Variants in DLG2 observed in about 807,000 individuals in gnomAD.
DLG2 encodes the protein discs large MAGUK scaffold protein 2, also known as disks large homolog 2.
A neutral mutation model predicts 132.5 loss-of-function variants in DLG2; 45 were observed. The ratio of observed to expected loss-of-function variants is 0.34; its 90% CI spans 0.27 to 0.44. DLG2 has a LOEUF of 0.44. DLG2 is among the 20% of genes least tolerant of loss of function. DLG2 has a pLI of 1.00. For synonymous variants in DLG2, 424 were observed against 419.6 expected (o/e 1.01, Z -0.13); for missense variants, 1,045 against 1,196.9 (o/e 0.87, Z 1.87).
At chr11:84,062,816 TCA>T (rs1167065928) in intron 10 of DLG2, among the ~76,000 whole-genome samples, 2 of 151,884 alleles carry the variant, frequency 1.3e-5, no homozygotes, top group Non-Finnish European at 2.9e-5. Flanking sequence ...GGAAAGTATG[TCA>T]GGCCAAACTA....
chr11:83,701,107 A>T (rs2082855741), intron 18 of DLG2, among the ~76,000 whole-genome samples: 1 of 152,172 alleles, frequency 6.6e-6, no homozygotes, highest in East Asian at 1.9e-4. Flanking sequence ...GCAAGCAGGC[A>T]GGAGTCCGGG....
intron 18 of DLG2, chr11:83,724,949 G>A (rs1280913344): frequency 7.1e-6 from 5 of 702,132 alleles, no homozygotes; most frequent in African/African-American, 5.2e-5. Flanking sequence ...TGAGCTGCTT[G>A]GTGTATAAAC....
chr11:85,450,078 A>G (rs1475322861), intron 3 of DLG2, among the ~76,000 whole-genome samples: 2 of 152,126 alleles, frequency 1.3e-5, no homozygotes, highest in Non-Finnish European at 2.9e-5. Context: ...ATGGTGAGCC[A>G]AGATCGCACC....
At chr11:84,554,889 A>G (rs536001693) in intron 6 of DLG2, among the ~76,000 whole-genome samples, 1 of 152,302 alleles carries the variant, frequency 6.6e-6, no homozygotes, top group Admixed American at 6.5e-5. Context: ...AGGAATGAGA[A>G]TATCTCCCAT....
intron 7 of DLG2, among the ~76,000 whole-genome samples, chr11:84,458,062 G>T (rs531561958): frequency 6.6e-6 from 1 of 150,810 alleles, no homozygotes; most frequent in African/African-American, 2.4e-5. Context: ...AGATATAGAC[G>T]CAGATGTAGA....
intron 11 of DLG2, among the ~76,000 whole-genome samples, chr11:84,038,041 G>A (rs554047103): frequency 3.3e-5 from 5 of 151,936 alleles, no homozygotes; most frequent in East Asian, 1.9e-4. Flanking sequence ...GTGTCATGGC[G>A]GTTTGTGGTA....
chr11:85,465,393 G>A (rs1484769472), intron 3 of DLG2, among the ~76,000 whole-genome samples: 3 of 151,966 alleles, frequency 2.0e-5, no homozygotes, highest in East Asian at 3.9e-4. Context: ...CCATGCTGGT[G>A]TGCTGCACCC....
intron 11 of DLG2, among the ~76,000 whole-genome samples, chr11:84,058,262 T>C (rs919786348): frequency 6.6e-6 from 1 of 152,144 alleles, no homozygotes; most frequent in East Asian, 1.9e-4. Context: ...ATTTAAATAA[T>C]GTTAAGCTAA....
At chr11:84,362,100 T>C (rs1470572447) in intron 7 of DLG2, among the ~76,000 whole-genome samples, 1 of 151,876 alleles carries the variant, frequency 6.6e-6, no homozygotes, top group Non-Finnish European at 1.5e-5. Context: ...AAGGTAGAGA[T>C]TGATGGATTG....
At chr11:85,323,412 T>C (rs764761124) in intron 3 of DLG2, among the ~76,000 whole-genome samples, 2 of 152,278 alleles carry the variant, frequency 1.3e-5, no homozygotes, top group African/African-American at 4.8e-5. Flanking sequence ...GGGGCACATA[T>C]GTTTTGATAC....
At chr11:84,424,396 T>C (rs984164986) in intron 7 of DLG2, among the ~76,000 whole-genome samples, 7 of 152,078 alleles carry the variant, frequency 4.6e-5, no homozygotes, top group African/African-American at 1.7e-4. Flanking sequence ...CTCCAAAGAA[T>C]TGTATGCACC....
chr11:83,550,956 A>G (rs2096375021), intron 19 of DLG2, among the ~76,000 whole-genome samples: 1 of 152,190 alleles, frequency 6.6e-6, no homozygotes, highest in Admixed American at 6.5e-5. Context: ...ATGGAATTTT[A>G]TTATTGCTAA....
intron 7 of DLG2, among the ~76,000 whole-genome samples, chr11:84,491,747 A>T (rs897422730): frequency 2.6e-4 from 39 of 152,170 alleles, no homozygotes; most frequent in Non-Finnish European, 5.1e-4. Context: ...ACTTGCAGTC[A>T]AGTTCCATGG....
At chr11:83,656,407 G>T (rs760575754) in intron 18 of DLG2, among the ~76,000 whole-genome samples, 3 of 152,068 alleles carry the variant, frequency 2.0e-5, no homozygotes, top group Non-Finnish European at 4.4e-5. Context: ...AGCAATCTTA[G>T]CCTCTGCAGA....
rs2078486798 is a variant in DLG2, at chr11:85,285,305, A to G, written c.101T>C (p.Ile34Thr). The G allele has an allele frequency of 6.2e-7, 1 of 1,612,016 alleles. No individual in the cohort carries two copies. The highest frequency in any genetic ancestry group is 1.7e-5 in the Admixed American group (1 of 59,820). Residue 34 changes from isoleucine to threonine, a missense_variant, in exon 4 of 28, where the codon ATA becomes ACA. Physicochemically the swap from Ile to Thr is moderately conservative, Grantham distance 89. This residue lies in a region of DLG2 where 277 missense variants were observed against 238.2 expected (regional missense o/e 1.16). Transcript: ENST00000376104. ...CTGTAAAACTTGATTGGCTTCTTCTATCTTCTGCTCACAACTTTTTTGAGA... is the reference window on the plus strand; with the variant it reads ...CTGTAAAACTTGATTGGCTTCTTCTGTCTTCTGCTCACAACTTTTTTGAGA... ...LNSQKSCEQK[I>T]EEANQVLQKW... is the part of the protein sequence containing the mutation.
At chr11:85,457,002 A>G (rs2092444105) in intron 3 of DLG2, among the ~76,000 whole-genome samples, 1 of 152,134 alleles carries the variant, frequency 6.6e-6, no homozygotes, top group African/African-American at 2.4e-5. Context: ...GTTTGCCTCA[A>G]TGATCTGTCT....
chr11:84,556,040 T>C (rs2099411377), intron 6 of DLG2, among the ~76,000 whole-genome samples: 1 of 152,210 alleles, frequency 6.6e-6, no homozygotes, highest in Admixed American at 6.5e-5. Flanking sequence ...AGTTTTCTTT[T>C]GCCCACCCAC....
intron 11 of DLG2, among the ~76,000 whole-genome samples, chr11:83,986,371 C>T (rs1209386738): frequency 6.6e-6 from 1 of 151,846 alleles, no homozygotes; most frequent in East Asian, 1.9e-4. Flanking sequence ...CATCCATGTC[C>T]CTACAAAGGA....
chr11:83,886,069 T>A (rs899512650), intron 15 of DLG2, among the ~76,000 whole-genome samples: 2 of 152,172 alleles, frequency 1.3e-5, no homozygotes, highest in East Asian at 1.9e-4. Context: ...GCTAACATCA[T>A]AATGACAGGA....
Sources: gnomAD v4.1 joint callset for allele counts (sites outside exome capture counted in the v4.1 genomes callset) on GRCh38, gnomAD v4.1.1 for gene constraint, gnomAD v4.1.1 regional missense constraint, MANE v1.5 for transcripts, NCBI Gene and HGNC (gene_info 2026-07-23, HGNC 2026-07-21) for gene names.